The following VRK3 variants were observed in gnomAD, a reference collection of about 807,000 sequenced individuals.
The protein encoded by VRK3 is serine/threonine-protein kinase VRK3.
A neutral mutation model predicts 60.4 loss-of-function variants in VRK3; 50 were observed. The observed-to-expected ratio is 0.83, with a 90% CI of 0.66 to 1.05. The LOEUF is 1.05. VRK3 is among the 50% of genes least tolerant of loss of function. The pLI, the probability that VRK3 is intolerant of heterozygous loss-of-function variation, is 0.00. For synonymous variants in VRK3, 246 were observed against 227.8 expected, an observed-to-expected ratio of 1.08 and a Z score of -0.72; for missense variants, 549 against 585.3, an observed-to-expected ratio of 0.94 and a Z score of 0.64.
At chr19:49,999,076 T>C (rs550131185) in intron 6 of VRK3, 3 of 151,844 alleles carry the variant, frequency 2.0e-5, no homozygotes, top group African/African-American at 4.8e-5. Flanking sequence ...TGAGCCTTGA[T>C]TGCACCGCTG....
At chr19:50,005,161 C>T (rs998716333) in intron 5 of VRK3, among the ~76,000 whole-genome samples, 2 of 148,942 alleles carry the variant, frequency 1.3e-5, no homozygotes, top group African/African-American at 2.6e-5. Flanking sequence ...GGGGACAAGG[C>T]GTCATCTCAC....
At chr19:49,978,933 A>C (rs1372895736) in intron 14 of VRK3, 150 bp downstream of exon 14, 4 of 759,006 alleles carry the variant, frequency 5.3e-6, no homozygotes, top group Non-Finnish European at 5.9e-6. Flanking sequence ...GGGAAGTTCA[A>C]GGACCGTGCG....
At chr19:50,008,032 C>A (rs188261987) in intron 4 of VRK3, among the ~76,000 whole-genome samples, 1 of 152,198 alleles carries the variant, frequency 6.6e-6, no homozygotes, top group East Asian at 1.9e-4. Flanking sequence ...TCAGGAGTGC[C>A]CAGTTTGGTG....
chr19:50,006,042 T>C (rs1254561994), intron 5 of VRK3, among the ~76,000 whole-genome samples: 1 of 148,962 alleles, frequency 6.7e-6, no homozygotes, highest in East Asian at 1.9e-4. Context: ...TCCCAGCACT[T>C]TGGGAGGCTG....
At chr19:49,990,747 TTC>T (rs1312868850) in intron 10 of VRK3, among the ~76,000 whole-genome samples, 1 of 152,146 alleles carries the variant, frequency 6.6e-6, no homozygotes, top group East Asian at 1.9e-4. Flanking sequence ...CTCCCTGTTT[TTC>T]TGTTTACAGT....
chr19:49,984,856 C>T (rs905977899), intron 12 of VRK3, among the ~76,000 whole-genome samples: 3 of 152,152 alleles, frequency 2.0e-5, no homozygotes, highest in African/African-American at 4.8e-5. Flanking sequence ...AACTCCTGGG[C>T]TCAAGCAATC....
At chr19:49,998,021 C>T (rs1393698572) in intron 6 of VRK3, 1 of 153,320 alleles carries the variant, frequency 6.5e-6, no homozygotes, top group Non-Finnish European at 1.5e-5. Context: ...GCCACTACGG[C>T]CCAGGAGATG....
In VRK3 at chr19:49,979,207, G is replaced by A; in HGVS notation, c.1312C>T (p.Leu438Phe). Residue 438 changes from leucine to phenylalanine, a missense_variant, in exon 14 of 15, where the codon CTC (leucine) becomes TTC (phenylalanine). Physicochemically the swap from Leu to Phe is conservative, Grantham distance 22 (BLOSUM62 0). Coordinates refer to ENST00000316763, the MANE Select transcript of VRK3 (RefSeq NM_016440.4). ...TAGGGCGGCTTCTCCTCATACGTGAGGGCCATCACCACCTTCAGGTACTTC... is the reference window on the plus strand; with the variant it reads ...TAGGGCGGCTTCTCCTCATACGTGAAGGCCATCACCACCTTCAGGTACTTC... ...LQKYLKVVMA[L>F]TYEEKPPYAM... The A allele has an allele frequency of 1.2e-6, 2 of 1,614,086 alleles. No individual in the cohort carries two copies. Among genetic ancestry groups the A allele is most frequent in the Non-Finnish European group, 1.7e-6 (2 of 1,180,020 alleles).
chr19:50,013,230 A>T (rs1255132881), intron 3 of VRK3, among the ~76,000 whole-genome samples: 1 of 152,202 alleles, frequency 6.6e-6, no homozygotes, highest in Non-Finnish European at 1.5e-5. Flanking sequence ...AACGCTGTTC[A>T]CATTTGCCTG....
intron 4 of VRK3, among the ~76,000 whole-genome samples, chr19:50,008,301 A>G (rs1410943802): frequency 6.6e-6 from 1 of 151,220 alleles, no homozygotes; most frequent in Non-Finnish European, 1.5e-5. Context: ...AATTTGTTAG[A>G]CCAAAGCCCT....
rs371208874 is a variant in VRK3, at chr19:49,977,767, C to T, written c.*12-983G>A. 3.3e-5 allele frequency among the ~76,000 whole-genome samples: 5 copies of T among 152,088 alleles called. No homozygotes were observed. The East Asian group carries it at 9.6e-4, about 29-fold the overall frequency. The stretch of plus-strand genomic sequence containing the variant: ...GTACACGGAGGAGCTGTGTATCGAG[C>T]TGGAGAGGTGGGGGAAAGAGGGAGA... On this transcript the variant is annotated intron_variant, in intron 14 of 14. Coordinates refer to ENST00000316763, the MANE Select transcript of VRK3 (RefSeq NM_016440.4).
At chr19:50,006,561 G>C (rs1010402057) in intron 5 of VRK3, among the ~76,000 whole-genome samples, 7 of 151,854 alleles carry the variant, frequency 4.6e-5, no homozygotes, top group Non-Finnish European at 8.8e-5. Context: ...ATTTTTAGTA[G>C]AGACAGGGTT....
intron 3 of VRK3, chr19:50,015,772 C>G (rs771693840): frequency 1.2e-5 from 6 of 502,810 alleles, no homozygotes; most frequent in Non-Finnish European, 2.1e-5. Flanking sequence ...ATATCTCCTC[C>G]AAGCAGGGGA....
In VRK3 at chr19:49,994,780, T is replaced by C. The variant is rs10411020; in HGVS notation, c.870+34A>G. ...AAACTAGGATGTGATGTGCCCTCCC[T>C]GACGCGGCAGCTGAGCAACTTCTGG... On this transcript the variant is annotated intron_variant, in intron 9 of 14. Coordinates refer to ENST00000316763, the MANE Select transcript of VRK3 (RefSeq NM_016440.4). 15,722 of 1,592,398 alleles carry C rather than the reference T, an allele frequency of 9.9e-3. 1,353 individuals carry two copies. The African/African-American group carries it at 0.18, about 19-fold the overall frequency.
intron 1 of VRK3, among the ~76,000 whole-genome samples, chr19:50,024,656 G>A (rs10409358): frequency 0.052 from 7,986 of 152,248 alleles, 690 homozygotes; most frequent in African/African-American, 0.18. Flanking sequence ...CCAGGTTATA[G>A]TAGTGTAATA....
At chr19:49,982,056 A>C (rs973502821) in intron 12 of VRK3, 2 of 694,348 alleles carry the variant, frequency 2.9e-6, no homozygotes, top group East Asian at 5.4e-5. Flanking sequence ...AGGCGGCTGC[A>C]TAACGGAGAT....
intron 3 of VRK3, among the ~76,000 whole-genome samples, chr19:50,015,314 A>AT (rs562454660): frequency 0.043 from 6,274 of 144,872 alleles, 410 homozygotes; most frequent in African/African-American, 0.16. Context: ...TGGATTTCAG[A>AT]TTTTTTTTTT....
intron 12 of VRK3, among the ~76,000 whole-genome samples, chr19:49,982,490 G>GA (rs57672084): frequency 0.052 from 7,980 of 152,194 alleles, 689 homozygotes; most frequent in African/African-American, 0.18. Context: ...ATAAAAACAG[G>GA]AAAAAATGTA....
At chr19:50,014,981 T>C (rs994794072) in intron 3 of VRK3, among the ~76,000 whole-genome samples, 38 of 151,924 alleles carry the variant, frequency 2.5e-4, no homozygotes, top group Non-Finnish European at 3.8e-4. Flanking sequence ...GATACTGCAC[T>C]GATTGTAAAG....
Sources: allele counts gnomAD v4.1 joint callset (sites outside exome capture counted in the v4.1 genomes callset), GRCh38; gene constraint gnomAD v4.1.1; transcripts MANE v1.5; gene names NCBI Gene and HGNC (gene_info 2026-07-23, HGNC 2026-07-21).